ZNF124: variants seen among roughly 807,000 people sequenced by gnomAD.
ZNF124 encodes zinc finger protein 124, also known as zinc finger protein HZF-16.
A neutral mutation model predicts 26.6 loss-of-function variants in ZNF124; 25 were observed. The observed-to-expected ratio is 0.94, with a 90% CI of 0.68 to 1.31. ZNF124 has a LOEUF of 1.31. Among genes scored for constraint, ZNF124 ranks in the 40% most tolerant of loss-of-function variants. The pLI, the probability that ZNF124 is intolerant of heterozygous loss-of-function variation, is 0.00. For missense variants in ZNF124, 444 were observed against 422.2 expected, an observed-to-expected ratio of 1.05 and a Z score of -0.45; for synonymous variants, 129 against 133.3, an observed-to-expected ratio of 0.97 and a Z score of 0.22.
chr1:247,163,658 CA>C (rs1333682590), intron 1 of ZNF124, among the ~76,000 whole-genome samples: 2 of 152,028 alleles, frequency 1.3e-5, no homozygotes, highest in Admixed American at 1.3e-4. Flanking sequence ...ACCTATCAAA[CA>C]GAAAAGCCAG....
intron 3 of ZNF124, among the ~76,000 whole-genome samples, chr1:247,130,108 C>T (rs1211292062): frequency 6.6e-6 from 1 of 152,154 alleles, no homozygotes; most frequent in East Asian, 1.9e-4. Flanking sequence ...AATACTTGTT[C>T]ACTTATTTTA....
At chr1:247,144,580 A>G (rs989955764) in intron 3 of ZNF124, among the ~76,000 whole-genome samples, 9 of 152,102 alleles carry the variant, frequency 5.9e-5, no homozygotes, top group African/African-American at 2.4e-5. Flanking sequence ...GGTGTCAGCT[A>G]AAAGCTTGCT....
At chr1:247,127,733 C>T (rs888980851) in intron 3 of ZNF124, among the ~76,000 whole-genome samples, 2 of 149,086 alleles carry the variant, frequency 1.3e-5, no homozygotes, top group East Asian at 1.9e-4. Flanking sequence ...CAATCGATCA[C>T]GACCCTCTCA....
At chr1:247,143,102 T>C (rs1246544439) in intron 3 of ZNF124, among the ~76,000 whole-genome samples, 1 of 152,148 alleles carries the variant, frequency 6.6e-6, no homozygotes, top group Non-Finnish European at 1.5e-5. Flanking sequence ...TTCATCTCCA[T>C]CCTGACCTCC....
chr1:247,152,433 C>T (rs141831550), downstream of ZNF124, among the ~76,000 whole-genome samples: 111 of 151,756 alleles, frequency 7.3e-4, no homozygotes, highest in Middle Eastern at 3.4e-3. Context: ...AACGCAGCAA[C>T]GCAATAAACC....
rs187174022 is a variant in ZNF124 at position 247,161,895 on chromosome 1, T to A, written c.31-2082A>T. The stretch of plus-strand genomic sequence containing the variant: ...GGATATACTCCATTGCTATTTCCAG[T>A]AATTTGAACTTTACCACAATCTACA... On this transcript the variant is annotated intron_variant, in intron 1 of 3. Transcript: ENST00000543802. Among the ~76,000 whole-genome samples the A allele has an allele frequency of 2.4e-4, 36 of 152,308 alleles. No individual in the cohort carries two copies. The East Asian group carries it at 6.9e-3, about 29-fold the overall frequency.
chr1:247,132,312 A>AT (rs1287108233), intron 3 of ZNF124, among the ~76,000 whole-genome samples: 1 of 152,224 alleles, frequency 6.6e-6, no homozygotes, highest in Non-Finnish European at 1.5e-5. Flanking sequence ...CTGAAGCTAG[A>AT]CAAACTCACA....
At position 247,157,194 on chromosome 1, in the gene ZNF124, T is replaced by C. The variant is rs779843223; in HGVS notation, c.428A>G (p.Asn143Ser). 18 of 1,613,982 alleles carry C rather than the reference T, an allele frequency of 1.1e-5. No individual in the cohort carries two copies. The highest frequency in any genetic ancestry group is 1.4e-5 in the Non-Finnish European group (17 of 1,179,912). The stretch of plus-strand genomic sequence containing the variant: ...TTCATAGGGTTTCTCTCCAGTGTGA[T>C]TTCTCTGATGTATCTGAAATGAACT... ...IPSSFQIHQR[N>S]HTGEKPYECM... Residue 143 changes from asparagine (N) to serine (S), a missense_variant, in exon 4 of 4, where the codon AAT becomes AGT. Physicochemically the swap from Asn to Ser is conservative, Grantham distance 46. Transcript: ENST00000543802.
Position 247,156,963 on chromosome 1 carries a change from C to G in ZNF124, c.659G>C (p.Cys220Ser), listed in dbSNP as rs754782715. ...HCGKAFRYSN[C>S]LHYHERTHTG... ...GTGAGTTCTTTCATGGTAATGAAGG[C>G]AATTGGAGTAACGGAAGGCTTTCCC... Residue 220 changes from cysteine (C) to serine (S), a missense_variant, in exon 4 of 4, where the codon TGC (cysteine) becomes TCC (serine). By Grantham distance (112) the Cys-to-Ser change is moderately radical (BLOSUM62 -1). Coordinates refer to ENST00000543802, the MANE Select transcript of ZNF124 (RefSeq NM_001297568.2). 6.2e-7 allele frequency: 1 copy of G among 1,611,678 alleles called. No homozygotes were observed. The highest frequency in any genetic ancestry group is 2.2e-5 in the East Asian group (1 of 44,714).
chr1:247,145,462 A>G (rs779114669), intron 3 of ZNF124, among the ~76,000 whole-genome samples: 5 of 152,090 alleles, frequency 3.3e-5, no homozygotes, highest in Non-Finnish European at 7.4e-5. Flanking sequence ...AAGTCATTCT[A>G]TTGAGAACGG....
chr1:247,142,139 A>G (rs1299661201), intron 3 of ZNF124, among the ~76,000 whole-genome samples: 1 of 152,164 alleles, frequency 6.6e-6, no homozygotes, highest in Non-Finnish European at 1.5e-5. Flanking sequence ...AACTCAGCCT[A>G]TCTATAGATG....
chr1:247,159,976 G>GTTTTTTTT (rs779659255), intron 1 of ZNF124, 163 bp from the exon 2 acceptor site: 16 of 247,162 alleles, frequency 6.5e-5, no homozygotes, highest in African/African-American at 1.5e-4. Flanking sequence ...CCACATAGCA[G>GTTTTTTTT]TTCTTTTTTT....
chr1:247,151,226 TC>T (rs199733726), downstream of ZNF124, among the ~76,000 whole-genome samples: 3,423 of 152,172 alleles, frequency 0.022, 61 homozygotes, highest in Non-Finnish European at 0.037. Context: ...ACGCCTGTAA[TC>T]CCAGCACTTT....
chr1:247,127,585 T>C (rs1286201729), intron 3 of ZNF124, among the ~76,000 whole-genome samples: 27 of 140,160 alleles, frequency 1.9e-4, no homozygotes, highest in African/African-American at 6.5e-4. Context: ...GGTTACAGAT[T>C]GACCCTTGAC....
rs144428045 is a variant in ZNF124, at chr1:247,168,151, C to T, written c.30+3697G>A. 3.9e-4 allele frequency among the ~76,000 whole-genome samples: 59 copies of T among 152,232 alleles called. No homozygotes were observed. Among genetic ancestry groups the T allele is most frequent in the African/African-American group, 1.4e-3 (59 of 41,520 alleles). On this transcript the variant is annotated intron_variant, in intron 1 of 3. Transcript: ENST00000543802. The surrounding 1 kb of genome is among the most constrained non-coding windows in gnomAD (Gnocchi z 4.0). ...CGCCATGGAAAACAGTATGAAGATT[C>T]CTTAAAGAACTAAAAGTAGAACTAC... is the stretch of plus-strand genomic sequence containing the variant.
At chr1:247,136,359 G>A (rs1330483685) in intron 3 of ZNF124, among the ~76,000 whole-genome samples, 1 of 152,088 alleles carries the variant, frequency 6.6e-6, no homozygotes, top group Non-Finnish European at 1.5e-5. Context: ...CAATAGGCAA[G>A]CAGAGAGTCA....
intron 3 of ZNF124, among the ~76,000 whole-genome samples, chr1:247,145,225 A>T (rs1388794169): frequency 6.6e-6 from 1 of 152,210 alleles, no homozygotes; most frequent in African/African-American, 2.4e-5. Context: ...ACAAATTGTA[A>T]CATATGGATC....
chr1:247,125,694 G>A (rs1247832962), intron 3 of ZNF124, among the ~76,000 whole-genome samples: 2 of 101,020 alleles, frequency 2.0e-5, no homozygotes, highest in Admixed American at 1.0e-4. Context: ...GATTAAAGGC[G>A]CCACCGCACC....
downstream of ZNF124, among the ~76,000 whole-genome samples, chr1:247,153,002 G>A (rs759846952): frequency 7.2e-5 from 11 of 151,918 alleles, no homozygotes; most frequent in Non-Finnish European, 1.3e-4. Context: ...GTGTGCTGAC[G>A]GGCACCTGTA....
Sources: allele counts gnomAD v4.1 joint callset (sites outside exome capture counted in the v4.1 genomes callset), GRCh38; gene constraint gnomAD v4.1.1; non-coding constraint Gnocchi (gnomAD v3.1); transcripts MANE v1.5; gene names NCBI Gene and HGNC (gene_info 2026-07-23, HGNC 2026-07-21).